The following CNTLN variants were observed in gnomAD, a reference collection of about 807,000 sequenced individuals.
CNTLN encodes centlein.
In CNTLN, 212 loss-of-function variants were observed where a neutral mutation model predicts 180.0. The observed-to-expected ratio is 1.18, with a 90% CI of 1.05 to 1.32. CNTLN has a LOEUF of 1.32. Among genes scored for constraint, CNTLN ranks in the 40% most tolerant of loss-of-function variants. The pLI is 0.00. For missense variants in CNTLN, 2,095 were observed against 1,610.9 expected (o/e 1.30, Z -5.14); for synonymous variants, 722 against 563.1 (o/e 1.28, Z -3.99).
the CNTLN span, among the ~76,000 whole-genome samples, chr9:17,513,260 A>G: frequency 0.77 from 116,148 of 151,706 alleles, 44,773 homozygotes; most frequent in East Asian, 0.97. Flanking sequence ...TATCTAGAAA[A>G]TAATGAAAAT....
intron 2 of CNTLN, among the ~76,000 whole-genome samples, chr9:17,191,172 G>T (rs1668862733): frequency 6.6e-6 from 1 of 152,150 alleles, no homozygotes; most frequent in South Asian, 2.1e-4. Flanking sequence ...TGAGCCTTTT[G>T]GATACTGGAC....
the CNTLN span, among the ~76,000 whole-genome samples, chr9:17,527,961 G>A: frequency 1.3e-5 from 2 of 151,878 alleles, no homozygotes; most frequent in South Asian, 2.1e-4. Context: ...AATATTTTGT[G>A]GCACACATTA....
At chr9:17,310,282 T>A (rs937359398) in intron 8 of CNTLN, among the ~76,000 whole-genome samples, 12 of 152,136 alleles carry the variant, frequency 7.9e-5, no homozygotes, top group Non-Finnish European at 1.6e-4. Context: ...ATATACAAAT[T>A]TATGAGGAAA....
chr9:17,376,607 T>A (rs1292978222), intron 13 of CNTLN, among the ~76,000 whole-genome samples: 1 of 151,828 alleles, frequency 6.6e-6, no homozygotes. Context: ...GCCCACCACC[T>A]TGCCCGGCTA....
intron 18 of CNTLN, among the ~76,000 whole-genome samples, chr9:17,453,995 C>G (rs1830963880): frequency 6.6e-6 from 1 of 152,140 alleles, no homozygotes; most frequent in Non-Finnish European, 1.5e-5. Context: ...CTACAGAATC[C>G]TCTTTGCATA....
intron 8 of CNTLN, among the ~76,000 whole-genome samples, chr9:17,312,352 T>TATATA (rs1554685937): frequency 1.3e-4 from 2 of 15,526 alleles, no homozygotes; most frequent in South Asian, 8.2e-4. Flanking sequence ...TTTATATATA[T>TATATA]ATATATATAT....
At position 17,502,673 on chromosome 9, in the gene CNTLN, T is replaced by A; in HGVS notation, c.*21T>A. 9.8e-7 allele frequency: 1 copy of A among 1,025,202 alleles called. No homozygotes were observed. The highest frequency in any genetic ancestry group is 1.4e-6 in the Non-Finnish European group (1 of 714,040). The allele number at this position is 1,025,202 out of a possible 1,614,324, so 63.5% of individuals were successfully genotyped here. On this transcript the variant is annotated 3_prime_UTR_variant, in exon 26 of 26. Transcript: ENST00000380647. ...GATGATATTAAAATGGAGAGCTTTATTGCAAATGTGAAAACTTTTTATGTG... is the reference window on the plus strand; with the variant it reads ...GATGATATTAAAATGGAGAGCTTTAATGCAAATGTGAAAACTTTTTATGTG...
intron 3 of CNTLN, among the ~76,000 whole-genome samples, chr9:17,230,523 C>T (rs1301297805): frequency 6.6e-6 from 1 of 151,638 alleles, no homozygotes; most frequent in Admixed American, 6.6e-5. Context: ...TCCCCTTACC[C>T]CCTTAGGAGA....
intron 12 of CNTLN, among the ~76,000 whole-genome samples, chr9:17,361,421 C>T (rs891367681): frequency 2.6e-5 from 4 of 152,242 alleles, no homozygotes; most frequent in East Asian, 1.9e-4. Flanking sequence ...TCTGACTGGT[C>T]GCAACTCAAA....
chr9:17,351,766 A>C (rs192689015), intron 12 of CNTLN, among the ~76,000 whole-genome samples: 1 of 152,300 alleles, frequency 6.6e-6, no homozygotes, highest in Admixed American at 6.5e-5. Flanking sequence ...CTGCAGATTG[A>C]CCTTTTAAAC....
intron 18 of CNTLN, chr9:17,444,090 A>G (rs1205776085): frequency 6.6e-6 from 1 of 152,214 alleles, no homozygotes; most frequent in Non-Finnish European, 1.5e-5. Flanking sequence ...AAAAAAACAC[A>G]AAATCAAAGG....
intron 2 of CNTLN, among the ~76,000 whole-genome samples, chr9:17,157,642 C>CA (rs1819390224): frequency 6.6e-6 from 1 of 152,138 alleles, no homozygotes. Flanking sequence ...TGTTGGTGGC[C>CA]ATCATCCGGT....
chr9:17,262,854 A>G (rs1465638660), intron 5 of CNTLN, among the ~76,000 whole-genome samples: 2 of 151,316 alleles, frequency 1.3e-5, no homozygotes, highest in Admixed American at 1.3e-4. Flanking sequence ...TTTGTCGTAG[A>G]TGGCTCGTAG....
intron 3 of CNTLN, among the ~76,000 whole-genome samples, chr9:17,231,823 A>T (rs1341995618): frequency 1.2e-5 from 1 of 84,738 alleles, no homozygotes; most frequent in South Asian, 3.7e-4. Flanking sequence ...CCTACCCCCC[A>T]CCCATTTTTA....
At chr9:17,377,283 C>T (rs972118296) in intron 13 of CNTLN, among the ~76,000 whole-genome samples, 2 of 152,190 alleles carry the variant, frequency 1.3e-5, no homozygotes, top group Admixed American at 1.3e-4. Flanking sequence ...CGGTGGCTCA[C>T]GCCTGTAATC....
intron 15 of CNTLN, among the ~76,000 whole-genome samples, chr9:17,400,058 A>G (rs1422183230): frequency 1.3e-5 from 2 of 152,138 alleles, no homozygotes; most frequent in African/African-American, 2.4e-5. Flanking sequence ...GCTAATCTGC[A>G]TTTTTACGGT....
At chr9:17,310,386 C>T (rs1040544389) in intron 8 of CNTLN, among the ~76,000 whole-genome samples, 3 of 151,910 alleles carry the variant, frequency 2.0e-5, no homozygotes, top group Admixed American at 6.6e-5. Flanking sequence ...AAGATTTATC[C>T]GTGTTTTTTG....
intron 14 of CNTLN, among the ~76,000 whole-genome samples, chr9:17,394,216 AT>A (rs983421375): frequency 5.3e-5 from 8 of 152,036 alleles, no homozygotes; most frequent in Non-Finnish European, 1.2e-4. Flanking sequence ...TCTCTGAAAT[AT>A]TTTTTTCCAC....
At chr9:17,359,738 A>AAAAAAACAAAAAAAAAAAAAC (rs1823184226) in intron 12 of CNTLN, among the ~76,000 whole-genome samples, 1 of 122,382 alleles carries the variant, frequency 8.2e-6, no homozygotes, top group Admixed American at 8.7e-5. Context: ...AAAAAAAAAA[A>AAAAAAACAAAAAAAAAAAAAC]AAAAAAAAAA....
Sources: allele counts gnomAD v4.1 joint callset (sites outside exome capture counted in the v4.1 genomes callset), GRCh38; gene constraint gnomAD v4.1.1; transcripts MANE v1.5; gene names NCBI Gene and HGNC (gene_info 2026-07-23, HGNC 2026-07-21).